The following TSPAN32 variants were observed in gnomAD, a reference collection of about 807,000 sequenced individuals.
The protein encoded by TSPAN32 is tetraspanin 32.
In TSPAN32, 47 loss-of-function variants were observed where a neutral mutation model predicts 42.7. That is an observed-to-expected ratio of 1.10 (90% CI 0.87 to 1.40). The LOEUF (loss-of-function observed/expected upper bound fraction) is 1.40. Among genes scored for constraint, TSPAN32 ranks in the 40% most tolerant of loss-of-function variants. The pLI is 0.00. For synonymous variants in TSPAN32, 175 were observed against 175.9 expected, an observed-to-expected ratio of 0.99 and a Z score of 0.04; for missense variants, 469 against 424.1, an observed-to-expected ratio of 1.11 and a Z score of -0.93.
Position 2,315,766 on chromosome 11 carries a change from G to A in TSPAN32, c.544-463G>A, listed in dbSNP as rs1645686215. ...TGCCCTGGGGTGGCACTGGAAGCCT[G>A]GGATGGAACCAGGAAGCTGGGACTG... On this transcript the variant is annotated intron_variant, in intron 6 of 9. Transcript: ENST00000182290. 5 of 1,260,586 alleles carry A rather than the reference G, an allele frequency of 4.0e-6. No individual in the cohort carries two copies. The Admixed American group carries it at 1.0e-4, about 25-fold the overall frequency. 78.1% of individuals were successfully genotyped at this position (1,260,586 alleles called of 1,614,324 possible).
intron 4 of TSPAN32, among the ~76,000 whole-genome samples, chr11:2,310,775 G>A (rs536609753): frequency 3.3e-4 from 50 of 152,318 alleles, no homozygotes; most frequent in African/African-American, 9.4e-4. Context: ...GCCTCCTGCC[G>A]TGCCCCGTTG....
intron 8 of TSPAN32, 132 bp downstream of exon 8, chr11:2,316,799 T>C (rs2133386905): frequency 9.9e-7 from 1 of 1,007,328 alleles, no homozygotes; most frequent in South Asian, 2.0e-5. Flanking sequence ...AGGAAACGCT[T>C]TGGGGGTGGC....
At chr11:2,312,679 C>T (rs1035113238) in intron 4 of TSPAN32, among the ~76,000 whole-genome samples, 1 of 152,216 alleles carries the variant, frequency 6.6e-6, no homozygotes, top group Non-Finnish European at 1.5e-5. Flanking sequence ...TGAGGACCGC[C>T]GTAAGCCACC....
intron 3 of TSPAN32, among the ~76,000 whole-genome samples, chr11:2,307,697 G>A (rs1394603953): frequency 3.3e-5 from 5 of 152,178 alleles, no homozygotes; most frequent in East Asian, 1.9e-4. Context: ...AGCCTTGACC[G>A]AGAGAACAAC....
chr11:2,309,208 G>A, intron 4 of TSPAN32: 3 of 399,320 alleles, frequency 7.5e-6, no homozygotes, highest in Non-Finnish European at 1.6e-5. Flanking sequence ...CAGAAAATGA[G>A]ACCTGAGGGC....
In TSPAN32 at chr11:2,304,417, C is replaced by T. The variant is rs960516121; in HGVS notation, c.279+213C>T. Among the ~76,000 whole-genome samples the T allele has an allele frequency of 6.6e-6, 1 of 152,056 alleles. No homozygotes were observed. The highest frequency in any genetic ancestry group is 2.4e-5 in the African/African-American group (1 of 41,402). On this transcript the variant is annotated intron_variant, in intron 3 of 9. Coordinates refer to ENST00000182290, the MANE Select transcript of TSPAN32 (RefSeq NM_139022.3). The surrounding 1 kb of genome is among the most constrained non-coding windows in gnomAD (Gnocchi z 4.8). ...CCAGGGATGCTAGCCAGCCGAGACC[C>T]CCTACCTGGGTAGCCAAGGCCCCTC...
At position 2,313,097 on chromosome 11, in the gene TSPAN32, C is replaced by T. The variant is rs566597829; in HGVS notation, c.355-557C>T. Among the ~76,000 whole-genome samples, 28 of 152,328 alleles carry T rather than the reference C, an allele frequency of 1.8e-4. No individual in the cohort carries two copies. Among genetic ancestry groups the T allele is most frequent in the Admixed American group, 1.6e-3 (24 of 15,298 alleles). ...TCCACCTTCTTCACCCCCTGCCCCA[C>T]AGTGGCCTCGTCCACCCAGATCTGG... On this transcript the variant is annotated intron_variant, in intron 4 of 9. Coordinates refer to ENST00000182290, the MANE Select transcript of TSPAN32 (RefSeq NM_139022.3). The surrounding 1 kb of genome is among the most constrained non-coding windows in gnomAD (Gnocchi z 9.1).
At position 2,313,300 on chromosome 11, in the gene TSPAN32, A is replaced by G. The variant is rs549473858; in HGVS notation, c.355-354A>G. On this transcript the variant is annotated intron_variant, in intron 4 of 9. Coordinates refer to ENST00000182290, the MANE Select transcript of TSPAN32 (RefSeq NM_139022.3). This position sits in a 1 kb window ranked among gnomAD's most constrained non-coding sequence, Gnocchi z 9.1. Reference sequence around the variant, plus strand: ...TCCACCAGGCCCAGCCCCATCCCCCATTTCCGGGTCAACAGTAGCGTGCTG... The same window carrying G: ...TCCACCAGGCCCAGCCCCATCCCCCGTTTCCGGGTCAACAGTAGCGTGCTG... Among the ~76,000 whole-genome samples the G allele has an allele frequency of 3.9e-5, 6 of 151,970 alleles. No individual in the cohort carries two copies. The highest frequency in any genetic ancestry group is 8.8e-5 in the Non-Finnish European group (6 of 67,972).
chr11:2,312,827 G>C (rs377362465), intron 4 of TSPAN32, among the ~76,000 whole-genome samples: 8 of 152,302 alleles, frequency 5.3e-5, no homozygotes, highest in African/African-American at 1.9e-4. Flanking sequence ...AGAACTGAGG[G>C]CCTCTGAGGC....
chr11:2,317,913 C>T lies in TSPAN32; in HGVS notation c.952C>T (p.Leu318Phe), dbSNP rs369421182. 2.4e-5 allele frequency: 28 copies of T among 1,155,220 alleles called. No homozygotes were observed. In the African/African-American group the frequency reaches 3.5e-4, roughly 14 times the overall value. The allele number at this position is 1,155,220 out of a possible 1,614,324, so 71.6% of individuals were successfully genotyped here. ...GGLSGCPERG[L>F]SD ...GCTCAGTGGGTGCCCTGAGCGGGGT[C>T]TCTCAGACTGACGTCAGGCCTTGGT... The change falls in exon 10 of 10, where the codon CTC (leucine) becomes TTC (phenylalanine). Residue 318 changes from leucine to phenylalanine, a missense_variant. Coordinates refer to ENST00000182290, the MANE Select transcript of TSPAN32 (RefSeq NM_139022.3). This position sits in a 1 kb window ranked among gnomAD's most constrained non-coding sequence, Gnocchi z 6.2.
rs201530910 is a variant in TSPAN32 at position 2,304,117 on chromosome 11, G to A, written c.192G>A (p.Ala64=). ...YQAVHQWAFS[A]GLSLVGLLTL... is the part of the protein sequence containing the mutation. ...TCTCCTCCCAACCAGCCTTCTCTGC[G>A]GGGTTGAGCCTGGTGGGCCTCCTGA... The change falls in exon 3 of 10, where the codon GCG becomes GCA. Residue 64 remains alanine (A), a synonymous_variant. Transcript: ENST00000182290. The surrounding 1 kb of genome is among the most constrained non-coding windows in gnomAD (Gnocchi z 4.8). 1.6e-5 allele frequency: 26 copies of A among 1,582,540 alleles called. No individual in the cohort carries two copies. The highest frequency in any genetic ancestry group is 1.7e-4 in the Middle Eastern group (1 of 6,024).
chr11:2,316,718 GCTC>G (rs1848821460), intron 8 of TSPAN32, 51 bp downstream of exon 8: 1 of 1,494,054 alleles, frequency 6.7e-7, no homozygotes, highest in African/African-American at 1.4e-5. Flanking sequence ...CTCCAGCTCT[GCTC>G]GAGAGGCATC....
intron 3 of TSPAN32, among the ~76,000 whole-genome samples, chr11:2,305,379 C>T (rs544144686): frequency 7.2e-6 from 1 of 139,356 alleles, no homozygotes; most frequent in Non-Finnish European, 1.6e-5. Context: ...TGCCCCCCCC[C>T]CCAGAGGGTG....
chr11:2,316,394 C>G lies in TSPAN32; in HGVS notation c.627+82C>G, dbSNP rs765093736. On this transcript the variant is annotated intron_variant, in intron 7 of 9. Coordinates refer to ENST00000182290, the MANE Select transcript of TSPAN32 (RefSeq NM_139022.3). ...GCCCCCGACTCAGATGGAAGGGTGACCCGGGACAGGATCTCTGGTCTTGAG... is the reference window on the plus strand; with the variant it reads ...GCCCCCGACTCAGATGGAAGGGTGAGCCGGGACAGGATCTCTGGTCTTGAG... 3.2e-6 allele frequency: 5 copies of G among 1,545,500 alleles called. No individual in the cohort carries two copies. In the South Asian group the frequency reaches 5.9e-5, roughly 18 times the overall value.
rs2133388922 is a variant in TSPAN32, at chr11:2,317,364, A to T, written c.740A>T (p.Gln247Leu). 1 of 1,595,402 alleles carries T rather than the reference A, an allele frequency of 6.3e-7. No individual in the cohort carries two copies. The change falls in exon 9 of 10, where the codon CAG becomes CTG. Residue 247 changes from glutamine to leucine, a missense_variant. Transcript: ENST00000182290. The surrounding 1 kb of genome is among the most constrained non-coding windows in gnomAD (Gnocchi z 6.2). ...CTCAGAGCATGTGGCCGCCAGCCCCAGGAGCCCAGCCTCTTGAGATGCTCC... is the reference window on the plus strand; with the variant it reads ...CTCAGAGCATGTGGCCGCCAGCCCCTGGAGCCCAGCCTCTTGAGATGCTCC... ...LTPRACGRQP[Q>L]EPSLLRCSQG...
chr11:2,303,421 C>T (rs922457667), intron 2 of TSPAN32: 5 of 202,066 alleles, frequency 2.5e-5, no homozygotes, highest in South Asian at 1.1e-4. Context: ...GACTCAGCAG[C>T]GACTTATCCA....
At position 2,304,334 on chromosome 11, in the gene TSPAN32, G is replaced by GCGA; in HGVS notation, c.279+131_279+132insGAC. 1.5e-6 allele frequency: 1 copy of GCGA among 660,652 alleles called. No homozygotes were observed. Among genetic ancestry groups the GCGA allele is most frequent in the Non-Finnish European group, 2.5e-6 (1 of 398,940 alleles). 40.9% of individuals were successfully genotyped at this position (660,652 alleles called of 1,614,324 possible). A position where few individuals can be genotyped will look rare whatever the true frequency, so the allele number is the denominator to read the frequency against. ...AGAACCAGAGGCCCCAGGGATGCTG[G>GCGA]CCAGCCGAGACCCCCACGTCAACCC... On this transcript the variant is annotated intron_variant, in intron 3 of 9. Transcript: ENST00000182290. This position sits in a 1 kb window ranked among gnomAD's most constrained non-coding sequence, Gnocchi z 4.8.
intron 3 of TSPAN32, 49 bp from the exon 4 acceptor site, chr11:2,308,687 C>A: frequency 1.1e-6 from 1 of 948,926 alleles, no homozygotes; most frequent in South Asian, 1.4e-5. Flanking sequence ...GCGACCAGCC[C>A]CCCGCAGTGA....
intron 3 of TSPAN32, among the ~76,000 whole-genome samples, chr11:2,307,154 C>A (rs1212446336): frequency 1.3e-5 from 2 of 152,126 alleles, no homozygotes; most frequent in African/African-American, 4.8e-5. Context: ...AGCGCCCTGT[C>A]CCTGCAGGGC....
Sources: allele counts gnomAD v4.1 joint callset (sites outside exome capture counted in the v4.1 genomes callset), GRCh38; gene constraint gnomAD v4.1.1; non-coding constraint Gnocchi (gnomAD v3.1); transcripts MANE v1.5; gene names NCBI Gene and HGNC (gene_info 2026-07-23, HGNC 2026-07-21).